The following PRKN variants were observed in gnomAD, a reference collection of about 807,000 sequenced individuals.
PRKN encodes E3 ubiquitin-protein ligase parkin.
In PRKN, 56 loss-of-function variants were observed where a neutral mutation model predicts 59.5. The observed-to-expected ratio is 0.94, with a 90% CI of 0.76 to 1.18. The LOEUF is 1.18. Among genes scored for constraint, PRKN ranks in the 50% most tolerant of loss-of-function variants. The pLI is 0.00. For missense variants in PRKN, 657 were observed against 596.4 expected (o/e 1.10, Z -1.06); for synonymous variants, 250 against 222.1 (o/e 1.13, Z -1.12).
At chr6:162,361,015 T>G (rs1340763325) in intron 2 of PRKN, among the ~76,000 whole-genome samples, 2 of 152,162 alleles carry the variant, frequency 1.3e-5, no homozygotes, top group African/African-American at 2.4e-5. Flanking sequence ...AGAAGTGCCT[T>G]TTATCTTAAG....
At chr6:162,523,734 T>C (rs113614388) in intron 1 of PRKN, among the ~76,000 whole-genome samples, 16,333 of 151,606 alleles carry the variant, frequency 0.11, 1,019 homozygotes, top group African/African-American at 0.17. Flanking sequence ...CTATGAAGTT[T>C]GGCTGGGCAT....
intron 2 of PRKN, among the ~76,000 whole-genome samples, chr6:162,351,638 G>C (rs968910120): frequency 6.6e-6 from 1 of 152,086 alleles, no homozygotes; most frequent in African/African-American, 2.4e-5. Context: ...ACATGTACTC[G>C]TCAAAACCTA....
Position 162,716,616 on chromosome 6 carries a change from A to G in PRKN, c.7+11046T>C, listed in dbSNP as rs143621391. ...AGGATACAAATTAGCAACCTGGTACATATCAAATTACCCAGCTGCAATGCA... is the reference window on the plus strand; with the variant it reads ...AGGATACAAATTAGCAACCTGGTACGTATCAAATTACCCAGCTGCAATGCA... On this transcript the variant is annotated intron_variant, in intron 1 of 11. Coordinates refer to ENST00000366898, the MANE Select transcript of PRKN (RefSeq NM_004562.3). 3.0e-4 allele frequency among the ~76,000 whole-genome samples: 46 copies of G among 152,332 alleles called. No homozygotes were observed. In the East Asian group the frequency reaches 8.7e-3, roughly 29 times the overall value.
chr6:162,611,372 G>A (rs1249326792), intron 1 of PRKN, among the ~76,000 whole-genome samples: 1 of 152,208 alleles, frequency 6.6e-6, no homozygotes, highest in Admixed American at 6.5e-5. Flanking sequence ...TTTAATAGAA[G>A]TAACTGTGCT....
chr6:161,598,571 T>C (rs934200558), intron 7 of PRKN, among the ~76,000 whole-genome samples: 1 of 152,228 alleles, frequency 6.6e-6, no homozygotes, highest in South Asian at 2.1e-4. Flanking sequence ...TATACACGCA[T>C]ATGATTTCTA....
intron 1 of PRKN, among the ~76,000 whole-genome samples, chr6:162,623,712 T>C (rs182740314): frequency 4.5e-4 from 69 of 152,248 alleles, no homozygotes; most frequent in Non-Finnish European, 8.8e-4. Flanking sequence ...AGAACTGTCA[T>C]ATAAAATGTA....
rs1277845942 is a variant in PRKN, at chr6:161,560,813, T to G, written c.933+8542A>C. On this transcript the variant is annotated intron_variant, in intron 8 of 11. Transcript: ENST00000366898. The surrounding 1 kb of genome is among the most constrained non-coding windows in gnomAD (Gnocchi z 4.9). ...GACGTCTAATTAATTGGCCCCATAT[T>G]TCCTCTCCAGCCATGGGCCTCTCCA... 1.3e-5 allele frequency among the ~76,000 whole-genome samples: 2 copies of G among 152,192 alleles called. No homozygotes were observed. Among genetic ancestry groups the G allele is most frequent in the Non-Finnish European group, 2.9e-5 (2 of 68,034 alleles).
chr6:162,449,079 G>T (rs1790464184), intron 1 of PRKN, among the ~76,000 whole-genome samples: 1 of 151,908 alleles, frequency 6.6e-6, no homozygotes, highest in Admixed American at 6.6e-5. Flanking sequence ...TAGAGAAGGG[G>T]TTTCCTCATG....
intron 7 of PRKN, among the ~76,000 whole-genome samples, chr6:161,656,400 G>A (rs1013869986): frequency 8.6e-5 from 13 of 151,986 alleles, no homozygotes; most frequent in Admixed American, 6.6e-4. Context: ...TTTTCCACCC[G>A]CCTCCAGAAC....
Position 161,562,232 on chromosome 6 carries a change from C to T in PRKN, c.933+7123G>A, listed in dbSNP as rs1052819187. On this transcript the variant is annotated intron_variant, in intron 8 of 11. Coordinates refer to ENST00000366898, the MANE Select transcript of PRKN (RefSeq NM_004562.3). This position sits in a 1 kb window ranked among gnomAD's most constrained non-coding sequence, Gnocchi z 4.3. ...TCTCGGCTTCCTCAACACCATAAATCGCCATTCTCCTCTGGAGGACCCGCC... is the reference window on the plus strand; with the variant it reads ...TCTCGGCTTCCTCAACACCATAAATTGCCATTCTCCTCTGGAGGACCCGCC... Among the ~76,000 whole-genome samples the T allele has an allele frequency of 5.9e-5, 9 of 151,722 alleles. No homozygotes were observed. The highest frequency in any genetic ancestry group is 2.1e-4 in the South Asian group (1 of 4,804).
rs1784435523 is a variant in PRKN, at chr6:161,349,381, G to A, written c.*718C>T. 3 of 231,160 alleles carry A rather than the reference G, an allele frequency of 1.3e-5. No individual in the cohort carries two copies. The South Asian group carries it at 5.4e-4, about 42-fold the overall frequency. The allele number at this position is 231,160 out of a possible 1,614,324, so 14.3% of individuals were successfully genotyped here. ...AGTACATTAACTTGATTTCTTCCCT[G>A]TAATTCAAACATTCAACATTCAAAT... On this transcript the variant is annotated 3_prime_UTR_variant, in exon 12 of 12. Coordinates refer to ENST00000366898, the MANE Select transcript of PRKN (RefSeq NM_004562.3). The surrounding 1 kb of genome is among the most constrained non-coding windows in gnomAD (Gnocchi z 5.5).
chr6:162,243,925 A>C (rs1473300471), intron 3 of PRKN, among the ~76,000 whole-genome samples: 1 of 152,122 alleles, frequency 6.6e-6, no homozygotes, highest in African/African-American at 2.4e-5. Context: ...AATAATTTGC[A>C]GTTATGGGCA....
chr6:161,897,925 C>T (rs1381012822), intron 6 of PRKN, among the ~76,000 whole-genome samples: 3 of 116,854 alleles, frequency 2.6e-5, no homozygotes, highest in Admixed American at 2.5e-4. Context: ...TGAGATCGCG[C>T]CACTGCACTC....
chr6:162,178,186 C>G (rs1783627176), intron 4 of PRKN, among the ~76,000 whole-genome samples: 1 of 152,192 alleles, frequency 6.6e-6, no homozygotes, highest in Non-Finnish European at 1.5e-5. Flanking sequence ...GGGAAAGAAC[C>G]TGTAGCTGAA....
chr6:162,455,430 A>G (rs377282206), intron 1 of PRKN, among the ~76,000 whole-genome samples: 2 of 152,354 alleles, frequency 1.3e-5, no homozygotes, highest in South Asian at 2.1e-4. Flanking sequence ...ATGATATAGT[A>G]TATTGCCCCA....
chr6:162,669,853 T>C (rs1273686371), intron 1 of PRKN, among the ~76,000 whole-genome samples: 1 of 152,174 alleles, frequency 6.6e-6, no homozygotes, highest in African/African-American at 2.4e-5. Context: ...GGATGGCATA[T>C]TTGGCATCAA....
intron 2 of PRKN, among the ~76,000 whole-genome samples, chr6:162,372,645 C>G (rs1051727614): frequency 6.6e-6 from 1 of 152,014 alleles, no homozygotes; most frequent in African/African-American, 2.4e-5. Context: ...ATTTGAACCC[C>G]AAAGCTCAGC....
intron 1 of PRKN, among the ~76,000 whole-genome samples, chr6:162,616,397 A>C (rs956235601): frequency 6.6e-6 from 1 of 152,126 alleles, no homozygotes; most frequent in African/African-American, 2.4e-5. Flanking sequence ...AATGTGCACA[A>C]CTTCTGCCCC....
chr6:161,566,562 A>G lies in PRKN; in HGVS notation c.933+2793T>C, dbSNP rs1780650762. Among the ~76,000 whole-genome samples the G allele has an allele frequency of 6.6e-6, 1 of 152,058 alleles. No homozygotes were observed. Among genetic ancestry groups the G allele is most frequent in the Non-Finnish European group, 1.5e-5 (1 of 68,014 alleles). ...GCTGAGATTACAGGCGCCCGCCACC[A>G]CACCCAGCTAACTTCTGTATTTTTA... On this transcript the variant is annotated intron_variant, in intron 8 of 11. Transcript: ENST00000366898. The surrounding 1 kb of genome is among the most constrained non-coding windows in gnomAD (Gnocchi z 4.1).
Sources: allele counts gnomAD v4.1 joint callset (sites outside exome capture counted in the v4.1 genomes callset), GRCh38; gene constraint gnomAD v4.1.1; non-coding constraint Gnocchi (gnomAD v3.1); transcripts MANE v1.5; gene names NCBI Gene and HGNC (gene_info 2026-07-23, HGNC 2026-07-21).